IRAG1: variants seen among roughly 807,000 people sequenced by gnomAD.
IRAG1 encodes IP3R-associated cGMP kinase substrate.
IRAG1 carries 62 observed loss-of-function variants against 106.2 expected under a neutral mutation model. The ratio of observed to expected loss-of-function variants is 0.58; its 90% CI spans 0.48 to 0.72. IRAG1 has a LOEUF of 0.72. Among genes scored for constraint, IRAG1 ranks in the 30% least tolerant of loss-of-function variants. The pLI, the probability that IRAG1 is intolerant of heterozygous loss-of-function variation, is 0.00. For missense variants in IRAG1, 1,064 were observed against 1,140.7 expected, an observed-to-expected ratio of 0.93 and a Z score of 0.97; for synonymous variants, 462 against 443.9, an observed-to-expected ratio of 1.04 and a Z score of -0.51.
At chr11:10,693,323 T>C in intron 1 of IRAG1, 1 of 946,288 alleles carries the variant, frequency 1.1e-6, no homozygotes, top group Non-Finnish European at 1.5e-6. Flanking sequence ...ACAATCTAGT[T>C]AAGTTAGGAC....
chr11:10,690,748 G>A (rs1204895755), intron 1 of IRAG1, among the ~76,000 whole-genome samples: 1 of 152,228 alleles, frequency 6.6e-6, no homozygotes, highest in Non-Finnish European at 1.5e-5. Flanking sequence ...CCTACCAGCT[G>A]TATGCCTCTC....
rs779618390 is a variant in IRAG1 at position 10,627,678 on chromosome 11, C to T, written c.750+38G>A. 5.0e-6 allele frequency: 8 copies of T among 1,612,982 alleles called. No individual in the cohort carries two copies. In the East Asian group the frequency reaches 1.8e-4, roughly 36 times the overall value. On this transcript the variant is annotated intron_variant, in intron 8 of 20. Transcript: ENST00000423302. Reference sequence around the variant, plus strand: ...GGCTTCTAGGAGACTGTGCCCCCCACACTCAAATCATCCAAAGGGAGCAAA... The same window carrying T: ...GGCTTCTAGGAGACTGTGCCCCCCATACTCAAATCATCCAAAGGGAGCAAA...
In IRAG1 at chr11:10,629,706, C is replaced by A. The variant is rs374788544; in HGVS notation, c.406G>T (p.Ala136Ser). The A allele has an allele frequency of 9.9e-6, 16 of 1,612,852 alleles. No individual in the cohort carries two copies. Among genetic ancestry groups the A allele is most frequent in the Admixed American group, 1.7e-5 (1 of 59,874 alleles). The change falls in exon 5 of 21, where the codon GCG becomes TCG. Residue 136 changes from alanine to serine, a missense_variant. Coordinates refer to ENST00000423302, the MANE Select transcript of IRAG1 (RefSeq NM_130385.4). ...STASLTSVDPAGHIIDLVNDQ... is the reference protein window; with the variant it reads ...STASLTSVDPSGHIIDLVNDQ... ...TTCACCAGGTCAATGATGTGCCCCG[C>A]GGGGTCTGCAGAAGGAGGATGAGCT... is the stretch of plus-strand genomic sequence containing the variant.
chr11:10,592,826 TATC>T (rs1452587289), intron 17 of IRAG1, among the ~76,000 whole-genome samples: 1 of 152,238 alleles, frequency 6.6e-6, no homozygotes, highest in Non-Finnish European at 1.5e-5. Flanking sequence ...CTGTTTCACA[TATC>T]TTCTACCAGA....
chr11:10,594,911 T>A (rs1053770883), intron 15 of IRAG1, among the ~76,000 whole-genome samples: 4 of 152,184 alleles, frequency 2.6e-5, no homozygotes, highest in African/African-American at 9.7e-5. Flanking sequence ...CATAGCCGTA[T>A]GTGTTTTTTC....
intron 3 of IRAG1, among the ~76,000 whole-genome samples, chr11:10,633,656 A>T (rs1233706929): frequency 6.6e-6 from 1 of 152,176 alleles, no homozygotes; most frequent in African/African-American, 2.4e-5. Flanking sequence ...CCATGGGGGA[A>T]CAAGTCCTTC....
chr11:10,680,368 A>AGAAAGAAGGAAG (rs1186897932), intron 1 of IRAG1, among the ~76,000 whole-genome samples: 4 of 80,918 alleles, frequency 4.9e-5, no homozygotes, highest in African/African-American at 1.2e-4. Flanking sequence ...AAAGAAAGAA[A>AGAAAGAAGGAAG]GAAGGAAGGA....
chr11:10,627,968 G>A lies in IRAG1; in HGVS notation c.705+5C>T. ...AACAGCACAGCAGGTGGGGGGTCCT[G>A]TCACCTGTGGTGGTGCTCCAGGCAG... On this transcript the variant is annotated splice_donor_5th_base_variant and intron_variant, in intron 7 of 20. Coordinates refer to ENST00000423302, the MANE Select transcript of IRAG1 (RefSeq NM_130385.4). 6.2e-7 allele frequency: 1 copy of A among 1,603,332 alleles called. No individual in the cohort carries two copies.
At chr11:10,655,908 C>T (rs1272014254) in intron 1 of IRAG1, among the ~76,000 whole-genome samples, 1 of 152,172 alleles carries the variant, frequency 6.6e-6, no homozygotes, top group Admixed American at 6.5e-5. Context: ...CCACTCTTGA[C>T]AAGATGGAAC....
chr11:10,677,598 C>T (rs1202685273), intron 1 of IRAG1, among the ~76,000 whole-genome samples: 1 of 135,688 alleles, frequency 7.4e-6, no homozygotes, highest in Non-Finnish European at 1.6e-5. Context: ...CAGTAAACTT[C>T]TTTTTTAAAA....
At chr11:10,578,539 A>C (rs1851062690) in intron 20 of IRAG1, among the ~76,000 whole-genome samples, 2 of 152,236 alleles carry the variant, frequency 1.3e-5, no homozygotes, top group African/African-American at 4.8e-5. Flanking sequence ...GCTGGGCTGA[A>C]CCCAGTGTTT....
At chr11:10,650,129 A>T (rs1189591370) in intron 2 of IRAG1, among the ~76,000 whole-genome samples, 1 of 152,208 alleles carries the variant, frequency 6.6e-6, no homozygotes, top group Non-Finnish European at 1.5e-5. Flanking sequence ...AGTAACAAAC[A>T]CTTTAAAAAG....
At chr11:10,622,315 G>A (rs1400933538) in intron 10 of IRAG1, among the ~76,000 whole-genome samples, 1 of 152,160 alleles carries the variant, frequency 6.6e-6, no homozygotes, top group African/African-American at 2.4e-5. Context: ...CAGAGGCACA[G>A]AGGCTAGAGG....
At chr11:10,688,441 A>G (rs537669198) in intron 1 of IRAG1, among the ~76,000 whole-genome samples, 1 of 152,308 alleles carries the variant, frequency 6.6e-6, no homozygotes, top group East Asian at 1.9e-4. Context: ...CTGATGAGCC[A>G]GGAAGCTTGG....
chr11:10,675,488 C>G (rs1203557394), intron 1 of IRAG1, among the ~76,000 whole-genome samples: 3 of 152,192 alleles, frequency 2.0e-5, no homozygotes, highest in African/African-American at 7.2e-5. Context: ...CTGGGTGGCT[C>G]TCTATCACTG....
At chr11:10,680,336 G>GAAAGAAA (rs1861064782) in intron 1 of IRAG1, among the ~76,000 whole-genome samples, 1 of 75,022 alleles carries the variant, frequency 1.3e-5, no homozygotes, top group East Asian at 1.3e-3. Context: ...AAGGAAGGAA[G>GAAAGAAA]GAAGGAAGGA....
In IRAG1 at chr11:10,603,213, T is replaced by C. The variant is rs1854179465; in HGVS notation, c.1782A>G (p.Glu594=). 30 of 1,613,498 alleles carry C rather than the reference T, an allele frequency of 1.9e-5. No homozygotes were observed. The highest frequency in any genetic ancestry group is 2.5e-5 in the Non-Finnish European group (29 of 1,179,850). ...TGTCCTCCAGCAACTTCTGGTAGGTTTCCCGGTGCTCACAGTGGTGCCAGA... is the reference window on the plus strand; with the variant it reads ...TGTCCTCCAGCAACTTCTGGTAGGTCTCCCGGTGCTCACAGTGGTGCCAGA... ...ASLWHHCEHR[E]TYQKLLEDIA... is the part of the protein sequence containing the mutation. Residue 594 remains glutamate (E), a synonymous_variant, in exon 14 of 21, where the codon GAA becomes GAG. Transcript: ENST00000423302.
chr11:10,662,977 C>G (rs1564933956), intron 1 of IRAG1, among the ~76,000 whole-genome samples: 2 of 152,190 alleles, frequency 1.3e-5, no homozygotes, highest in East Asian at 3.9e-4. Flanking sequence ...AACATGTGGG[C>G]TGAATCTGAG....
chr11:10,613,009 G>A (rs1591608258), intron 10 of IRAG1, among the ~76,000 whole-genome samples: 1 of 152,122 alleles, frequency 6.6e-6, no homozygotes, highest in African/African-American at 2.4e-5. Context: ...GGTAGAGATT[G>A]AGTAATCATA....
Sources: gnomAD v4.1 joint callset for allele counts (sites outside exome capture counted in the v4.1 genomes callset) on GRCh38, gnomAD v4.1.1 for gene constraint, MANE v1.5 for transcripts, NCBI Gene and HGNC (gene_info 2026-07-23, HGNC 2026-07-21) for gene names.